Variants in MSR1 observed in about 807,000 individuals in gnomAD.
The protein encoded by MSR1 is macrophage scavenger receptor 1.
In MSR1, 53 loss-of-function variants were observed where a neutral mutation model predicts 47.2. That is an observed-to-expected ratio of 1.12 (90% confidence interval 0.90 to 1.41). The LOEUF (loss-of-function observed/expected upper bound fraction) is 1.41. MSR1 is among the 40% of genes most tolerant of loss of function. The pLI, the probability that MSR1 is intolerant of heterozygous loss-of-function variation, is 0.00. For synonymous variants in MSR1, 239 were observed against 185.6 expected (o/e 1.29, Z -2.34); for missense variants, 786 against 546.9 (o/e 1.44, Z -4.36).
chr8:16,146,093 T>C (rs1800689558), intron 7 of MSR1, among the ~76,000 whole-genome samples: 1 of 152,106 alleles, frequency 6.6e-6, no homozygotes. Flanking sequence ...AGCCGGATAC[T>C]AGGTTAGACA....
intron 9 of MSR1, among the ~76,000 whole-genome samples, chr8:16,113,057 C>T (rs188645651): frequency 6.9e-6 from 1 of 144,716 alleles, no homozygotes; most frequent in Non-Finnish European, 1.5e-5. Context: ...TCAAATGATT[C>T]TCCTGCCTCA....
At chr8:16,116,012 T>A (rs1799869826) in intron 9 of MSR1, among the ~76,000 whole-genome samples, 1 of 151,976 alleles carries the variant, frequency 6.6e-6, no homozygotes, top group Non-Finnish European at 1.5e-5. Context: ...TAAGTCATAT[T>A]AGTGGGATAT....
At chr8:16,135,223 G>C (rs537490390) in intron 8 of MSR1, among the ~76,000 whole-genome samples, 1 of 152,248 alleles carries the variant, frequency 6.6e-6, no homozygotes, top group Admixed American at 6.5e-5. Flanking sequence ...GTTCATGCTT[G>C]ACTTCAAAGC....
At chr8:16,111,546 C>T (rs1360936001) in intron 9 of MSR1, among the ~76,000 whole-genome samples, 2 of 152,134 alleles carry the variant, frequency 1.3e-5, no homozygotes, top group Admixed American at 6.5e-5. Context: ...TCTACAGCAC[C>T]AGCAAGGCCA....
chr8:16,147,283 C>T (rs1800726664), intron 7 of MSR1, among the ~76,000 whole-genome samples: 3 of 152,050 alleles, frequency 2.0e-5, no homozygotes, highest in African/African-American at 7.2e-5. Flanking sequence ...TGTATCTTTT[C>T]AGTTGTAGAC....
At chr8:16,187,373 A>G (rs1193939962) in intron 1 of MSR1, among the ~76,000 whole-genome samples, 1 of 135,418 alleles carries the variant, frequency 7.4e-6, no homozygotes, top group Non-Finnish European at 1.5e-5. Flanking sequence ...CCAAAAAAAA[A>G]AAAAAAAAAA....
chr8:16,156,809 T>C (rs1282796101), intron 5 of MSR1, among the ~76,000 whole-genome samples: 1 of 151,854 alleles, frequency 6.6e-6, no homozygotes, highest in Non-Finnish European at 1.5e-5. Context: ...CTGCGAGACA[T>C]ATATTTAAAT....
intron 4 of MSR1, 134 bp downstream of exon 4, chr8:16,168,324 G>A (rs1801375738): frequency 2.4e-6 from 2 of 834,946 alleles, no homozygotes; most frequent in Non-Finnish European, 3.9e-6. Context: ...ATCTGGATAA[G>A]TTAGCCATAG....
chr8:16,180,094 TTCTC>T (rs757445109), intron 1 of MSR1, among the ~76,000 whole-genome samples: 1 of 138,088 alleles, frequency 7.2e-6, no homozygotes, highest in African/African-American at 2.8e-5. Flanking sequence ...GTCTCTCTCT[TTCTC>T]TCTGTCTGTC....
chr8:16,160,463 T>C (rs1585173262), intron 5 of MSR1, among the ~76,000 whole-genome samples: 1 of 152,074 alleles, frequency 6.6e-6, no homozygotes, highest in South Asian at 2.1e-4. Flanking sequence ...CTAACAGGCA[T>C]TGGGATTGCA....
intron 7 of MSR1, among the ~76,000 whole-genome samples, chr8:16,146,865 A>G (rs1012684456): frequency 6.6e-6 from 1 of 152,064 alleles, no homozygotes; most frequent in Non-Finnish European, 1.5e-5. Flanking sequence ...TCTGGCCTCT[A>G]CTCGAAACTT....
chr8:16,191,655 A>T (rs935269183), intron 1 of MSR1, among the ~76,000 whole-genome samples: 5 of 152,270 alleles, frequency 3.3e-5, no homozygotes, highest in African/African-American at 1.2e-4. Flanking sequence ...ACTAGGGAGC[A>T]GGGGAGCTGG....
chr8:16,116,575 T>G lies in MSR1; in HGVS notation c.1222+3843A>C, dbSNP rs564812978. On this transcript the variant is annotated intron_variant, in intron 9 of 9. Transcript: ENST00000262101. ...TTCACATGAGACTAAACTCTGTCAT[T>G]CTATTCCTTATTTAAGTTTAAAAAA... Among the ~76,000 whole-genome samples the G allele has an allele frequency of 3.3e-5, 5 of 152,048 alleles. No homozygotes were observed. The East Asian group carries it at 9.6e-4, about 29-fold the overall frequency.
At chr8:16,146,922 A>G (rs1356053343) in intron 7 of MSR1, among the ~76,000 whole-genome samples, 1 of 152,164 alleles carries the variant, frequency 6.6e-6, no homozygotes, top group Non-Finnish European at 1.5e-5. Flanking sequence ...TGAATCACAG[A>G]GAGAAAATGT....
At chr8:16,159,330 G>T (rs1372733330) in intron 5 of MSR1, among the ~76,000 whole-genome samples, 4 of 151,792 alleles carry the variant, frequency 2.6e-5, no homozygotes, top group Middle Eastern at 3.2e-3. Flanking sequence ...TTTCTCTAGA[G>T]TTCATCTTTG....
In MSR1 at chr8:16,177,964, T is replaced by C. The variant is rs1801703936; in HGVS notation, c.25A>G (p.Asn9Asp). 1 of 1,613,904 alleles carries C rather than the reference T, an allele frequency of 6.2e-7. No homozygotes were observed. The highest frequency in any genetic ancestry group is 8.5e-7 in the Non-Finnish European group (1 of 1,179,878). Residue 9 changes from asparagine (N) to aspartate (D), a missense_variant, in exon 2 of 10, where the codon AAT (asparagine) becomes GAT (aspartate). Coordinates refer to ENST00000262101, the MANE Select transcript of MSR1 (RefSeq NM_138715.3). MEQWDHFHNQQEDTDSCSE... is the reference protein window; with the variant it reads MEQWDHFHDQQEDTDSCSE... Reference sequence around the variant, plus strand: ...CAGCTATCAGTGTCCTCCTGTTGATTGTGAAAGTGATCCCACTGCTCCATA... The same window carrying C: ...CAGCTATCAGTGTCCTCCTGTTGATCGTGAAAGTGATCCCACTGCTCCATA...
At chr8:16,151,006 A>G (rs1376441609) in intron 6 of MSR1, among the ~76,000 whole-genome samples, 1 of 152,134 alleles carries the variant, frequency 6.6e-6, no homozygotes, top group Admixed American at 6.6e-5. Context: ...TATGGTGATC[A>G]TAACAACTGT....
At chr8:16,151,462 T>A (rs1233687422) in intron 6 of MSR1, among the ~76,000 whole-genome samples, 1 of 152,130 alleles carries the variant, frequency 6.6e-6, no homozygotes, top group Non-Finnish European at 1.5e-5. Flanking sequence ...ATGTGACTTG[T>A]TTGTTTAATG....
chr8:16,162,041 T>C (rs901852881), intron 5 of MSR1, among the ~76,000 whole-genome samples: 11 of 151,998 alleles, frequency 7.2e-5, no homozygotes, highest in African/African-American at 2.4e-4. Context: ...TCAAAGTGAA[T>C]GAAGCTGGTT....
Sources: gnomAD v4.1 joint callset for allele counts (sites outside exome capture counted in the v4.1 genomes callset) on GRCh38, gnomAD v4.1.1 for gene constraint, MANE v1.5 for transcripts, NCBI Gene and HGNC (gene_info 2026-07-23, HGNC 2026-07-21) for gene names.